Variants in HOXA3 observed in about 807,000 individuals in gnomAD.
The protein encoded by HOXA3 is homeobox A3.
A neutral mutation model predicts 30.3 loss-of-function variants in HOXA3; 8 were observed. The observed-to-expected ratio is 0.26, with a 90% confidence interval of 0.15 to 0.48. The LOEUF is 0.48. Ranked by LOEUF, HOXA3 falls within the 20% of genes least tolerant of loss-of-function variation. The pLI is 0.99. For synonymous variants in HOXA3, 323 were observed against 273.1 expected (o/e 1.18, Z -1.80); for missense variants, 653 against 614.4 (o/e 1.06, Z -0.66).
chr7:27,142,245 C>T (rs1782597683), intron 1 of HOXA3, among the ~76,000 whole-genome samples: 1 of 152,238 alleles, frequency 6.6e-6, no homozygotes, highest in Non-Finnish European at 1.5e-5. Flanking sequence ...CTCTTCCTTT[C>T]TAGAAAGAAA....
chr7:27,141,782 T>G (rs907457854), intron 1 of HOXA3: 18 of 1,587,124 alleles, frequency 1.1e-5, no homozygotes, highest in Non-Finnish European at 1.5e-5. Context: ...ACCTTAGTAC[T>G]GACACTACGC....
At position 27,129,542 on chromosome 7, in the gene HOXA3, T is replaced by C. The variant is rs542773447; in HGVS notation, c.-389-2472A>G. ...CGGGTGTAGGCGGTTCGAGAGCGCTTAGGCTCCCCTCCGTTATAACTGGGG... is the reference window on the plus strand; with the variant it reads ...CGGGTGTAGGCGGTTCGAGAGCGCTCAGGCTCCCCTCCGTTATAACTGGGG... On this transcript the variant is annotated intron_variant, in intron 2 of 5. Coordinates refer to ENST00000612286, the MANE Select transcript of HOXA3 (RefSeq NM_153631.3). 8 of 1,613,864 alleles carry C rather than the reference T, an allele frequency of 5.0e-6. No homozygotes were observed. In the South Asian group the frequency reaches 8.8e-5, roughly 18 times the overall value.
rs142508258 is a variant in HOXA3, at chr7:27,145,446, G to GGTTTT, written c.-493-5265_-493-5261dup. ...CACCGCTGGTATTGGCTGTGTGTGA[G>GGTTTT]GTTTTGTTTTGTTTTGTTTTGTTTT... is the stretch of plus-strand genomic sequence containing the variant. On this transcript the variant is annotated intron_variant, in intron 1 of 5. Transcript: ENST00000612286. 1,698 of 330,968 alleles carry GGTTTT rather than the reference G, an allele frequency of 5.1e-3. 13 individuals carry two copies. Among genetic ancestry groups the GGTTTT allele is most frequent in the African/African-American group, 0.016 (828 of 50,498 alleles). The allele number at this position is 330,968 out of a possible 1,614,324, so 20.5% of individuals were successfully genotyped here. A position where few individuals can be genotyped will look rare whatever the true frequency, so the allele number is the denominator to read the frequency against.
At chr7:27,130,144 C>G in intron 2 of HOXA3, 1 of 1,603,844 alleles carries the variant, frequency 6.2e-7, no homozygotes, top group Non-Finnish European at 8.5e-7. Flanking sequence ...CTTCTTCATC[C>G]AGGGGTACAC....
In HOXA3 at chr7:27,108,176, G is replaced by T. The variant is rs1194160500; in HGVS notation, c.1071C>A (p.Thr357=). ...HGLQGNGSYG[T]PHIQGSPVFV... ...AGACGGGGCTTCCCTGTATGTGTGG[G>T]GTCCCATAGCTGCCGTTGCCCTGCA... Residue 357 remains threonine (T), a synonymous_variant, in exon 6 of 6, where the codon ACC becomes ACA. Coordinates refer to ENST00000612286, the MANE Select transcript of HOXA3 (RefSeq NM_153631.3). This position sits in a 1 kb window ranked among gnomAD's most constrained non-coding sequence, Gnocchi z 5.0. The T allele has an allele frequency of 6.4e-7, 1 of 1,560,742 alleles. No homozygotes were observed. Among genetic ancestry groups the T allele is most frequent in the Non-Finnish European group, 8.7e-7 (1 of 1,150,922 alleles).
At chr7:27,114,313 T>C (rs1322254182) in intron 4 of HOXA3, among the ~76,000 whole-genome samples, 1 of 152,044 alleles carries the variant, frequency 6.6e-6, no homozygotes, top group Non-Finnish European at 1.5e-5. Flanking sequence ...TAGGAATTCG[T>C]TTGAGAAACT....
At chr7:27,120,433 C>G (rs756916113) in intron 4 of HOXA3, among the ~76,000 whole-genome samples, 1 of 147,976 alleles carries the variant, frequency 6.8e-6, no homozygotes, top group South Asian at 2.2e-4. Context: ...CCCAGCTAGT[C>G]GGGAGGCTGA....
intron 4 of HOXA3, among the ~76,000 whole-genome samples, chr7:27,111,950 T>C (rs1022399015): frequency 1.3e-5 from 2 of 152,232 alleles, no homozygotes; most frequent in African/African-American, 4.8e-5. Flanking sequence ...CTGATCTTTG[T>C]GTGCTGTTGT....
chr7:27,129,369 GTCTT>G, intron 2 of HOXA3: 1 of 1,614,176 alleles, frequency 6.2e-7, no homozygotes. Flanking sequence ...GCAGTTTGTG[GTCTT>G]TCTTCCACTT....
chr7:27,145,930 A>T (rs753066543), intron 1 of HOXA3: 16 of 1,608,740 alleles, frequency 9.9e-6, no homozygotes, highest in Non-Finnish European at 1.2e-5. Context: ...ACGAGCAGAA[A>T]CGGCCGGGCG....
intron 1 of HOXA3, chr7:27,143,520 C>A (rs145906139): frequency 4.3e-6 from 7 of 1,613,772 alleles, no homozygotes; most frequent in Middle Eastern, 1.6e-4. Flanking sequence ...TGCTCGCTCA[C>A]GGAACTATGA....
chr7:27,129,533 G>A (rs750350573), intron 2 of HOXA3: 3 of 1,613,996 alleles, frequency 1.9e-6, no homozygotes, highest in Non-Finnish European at 2.5e-6. Flanking sequence ...TAGGCGGTTC[G>A]AGAGCGCTTA....
chr7:27,123,030 C>G (rs1785110080), intron 3 of HOXA3: 1 of 152,194 alleles, frequency 6.6e-6, no homozygotes, highest in African/African-American at 2.4e-5. Context: ...GGCACCACAA[C>G]TTGGAGAATG....
Position 27,108,549 on chromosome 7 carries a change from C to A in HOXA3, c.698G>T (p.Arg233Leu). The change falls in exon 6 of 6, where the codon CGC (arginine) becomes CTC (leucine). Residue 233 changes from arginine (R) to leucine (L), a missense_variant. Arg to Leu is a moderately radical substitution (Grantham distance 102, BLOSUM62 -2). Around this residue, in one of 3 missense-constraint regions of HOXA3, gnomAD observed 320 missense variants for 321.9 expected, o/e 0.99. Coordinates refer to ENST00000612286, the MANE Select transcript of HOXA3 (RefSeq NM_153631.3). This position sits in a 1 kb window ranked among gnomAD's most constrained non-coding sequence, Gnocchi z 5.0. ...EMANLLNLTE[R>L]QIKIWFQNRR... ...ATTCTGGAACCAGATCTTGATCTGGCGCTCAGTGAGGTTCAGCAGATTGGC... is the reference window on the plus strand; with the variant it reads ...ATTCTGGAACCAGATCTTGATCTGGAGCTCAGTGAGGTTCAGCAGATTGGC... 2.5e-6 allele frequency: 4 copies of A among 1,614,140 alleles called. No individual in the cohort carries two copies. Among genetic ancestry groups the A allele is most frequent in the Non-Finnish European group, 3.4e-6 (4 of 1,179,988 alleles).
In HOXA3 at chr7:27,129,991, G is replaced by A; in HGVS notation, c.-389-2921C>T. ...GCGCACATACCCACATCTCACCGCA[G>A]CCCGGGTCAGATGGGGGCTCCCCTC... On this transcript the variant is annotated intron_variant, in intron 2 of 5. Transcript: ENST00000612286. 5.3e-6 allele frequency: 6 copies of A among 1,136,424 alleles called. No homozygotes were observed. In the South Asian group the frequency reaches 8.3e-5, roughly 16 times the overall value. 70.4% of individuals were successfully genotyped at this position (1,136,424 alleles called of 1,614,324 possible). A position where few individuals can be genotyped will look rare whatever the true frequency, so the allele number is the denominator to read the frequency against.
In HOXA3 at chr7:27,108,581, C is replaced by A. The variant is rs372333189; in HGVS notation, c.666G>T (p.Val222=). Residue 222 remains valine, a synonymous_variant, in exon 6 of 6, where the codon GTG becomes GTT. Transcript: ENST00000612286. This position sits in a 1 kb window ranked among gnomAD's most constrained non-coding sequence, Gnocchi z 5.0. The part of the protein sequence containing the change: ...FNRYLCRPRR[V]EMANLLNLTE... ...TGAGGTTCAGCAGATTGGCCATCTC[C>A]ACCCGGCGCGGCCGGCACAGGTAGC... The A allele has an allele frequency of 6.2e-7, 1 of 1,614,190 alleles. No homozygotes were observed. The highest frequency in any genetic ancestry group is 1.7e-5 in the Admixed American group (1 of 60,032).
intron 1 of HOXA3, 101 bp downstream of exon 1, chr7:27,152,187 T>C: frequency 1.9e-6 from 1 of 525,708 alleles, no homozygotes; most frequent in Non-Finnish European, 3.0e-6. Context: ...TAAGGGGGAG[T>C]ATGCCCCTCT....
At chr7:27,115,468 A>G (rs933343429) in intron 4 of HOXA3, 3 of 152,240 alleles carry the variant, frequency 2.0e-5, no homozygotes, top group Non-Finnish European at 4.4e-5. Context: ...ATTTGAAGAA[A>G]GAAGGCGTGG....
Position 27,108,841 on chromosome 7 carries a change from G to T in HOXA3, c.527-121C>A. The T allele has an allele frequency of 1.4e-6, 1 of 695,074 alleles. No individual in the cohort carries two copies. Among genetic ancestry groups the T allele is most frequent in the Non-Finnish European group, 2.4e-6 (1 of 422,422 alleles). 43.1% of individuals were successfully genotyped at this position (695,074 alleles called of 1,614,324 possible). ...AGGTTCCTGCATCCGTCAGGTCCCA[G>T]AGAGAAGTAGGAACTAGGTGCTATC... On this transcript the variant is annotated intron_variant, in intron 5 of 5. Transcript: ENST00000612286. This position sits in a 1 kb window ranked among gnomAD's most constrained non-coding sequence, Gnocchi z 5.0.
Sources: gnomAD v4.1 joint callset for allele counts (sites outside exome capture counted in the v4.1 genomes callset) on GRCh38, gnomAD v4.1.1 for gene constraint, gnomAD v4.1.1 regional missense constraint, Gnocchi (gnomAD v3.1) non-coding constraint, MANE v1.5 for transcripts, NCBI Gene and HGNC (gene_info 2026-07-23, HGNC 2026-07-21) for gene names.